The following FAT3 variants were observed in gnomAD, a reference collection of about 807,000 sequenced individuals.
FAT3 encodes the protein FAT atypical cadherin 3.
A neutral mutation model predicts 310.2 loss-of-function variants in FAT3; 95 were observed. That is an observed-to-expected ratio of 0.31 (90% CI 0.26 to 0.36). The LOEUF (loss-of-function observed/expected upper bound fraction) is 0.36. Among genes scored for constraint, FAT3 ranks in the 10% least tolerant of loss-of-function variants. The pLI is 1.00. For synonymous variants in FAT3, 2,314 were observed against 2,192.9 expected, an observed-to-expected ratio of 1.06 and a Z score of -1.54; for missense variants, 5,408 against 5,715.6, an observed-to-expected ratio of 0.95 and a Z score of 1.74.
intron 2 of FAT3, chr11:92,400,696 G>T (rs1949994180): frequency 6.6e-6 from 1 of 151,022 alleles, no homozygotes; most frequent in African/African-American, 2.4e-5. Flanking sequence ...GTAACAACAG[G>T]GTAAGCCACC....
chr11:92,743,833 A>T (rs758135752), intron 4 of FAT3, among the ~76,000 whole-genome samples: 10 of 152,178 alleles, frequency 6.6e-5, no homozygotes, highest in Non-Finnish European at 1.5e-4. Flanking sequence ...GGGGCTTTGT[A>T]AGAGGAAGAG....
Position 92,797,973 on chromosome 11 carries a change from A to G in FAT3, c.4960A>G (p.Thr1654Ala), listed in dbSNP as rs1419112243. ...TDQGSPPMSA[T>A]AIVRISVTMS... ...TCAGGGATCCCCGCCAATGTCTGCT[A>G]CTGCAATTGTGCGCATTTCCGTCAC... Residue 1654 changes from threonine (T) to alanine (A), a missense_variant, in exon 10 of 28, where the codon ACT (threonine) becomes GCT (alanine). By Grantham distance (58) the Thr-to-Ala change is moderately conservative. Coordinates refer to ENST00000525166, the MANE Select transcript of FAT3 (RefSeq NM_001367949.2). 1 of 1,613,796 alleles carries G rather than the reference A, an allele frequency of 6.2e-7. No homozygotes were observed. The highest frequency in any genetic ancestry group is 8.5e-7 in the Non-Finnish European group (1 of 1,179,850).
intron 1 of FAT3, among the ~76,000 whole-genome samples, chr11:92,274,966 A>C (rs1946226405): frequency 6.6e-6 from 1 of 152,132 alleles, no homozygotes. Context: ...GACAGTTCTA[A>C]AAGGTGGCCC....
chr11:92,522,851 G>C (rs76243810), intron 2 of FAT3, among the ~76,000 whole-genome samples: 1 of 152,068 alleles, frequency 6.6e-6, no homozygotes, highest in African/African-American at 2.4e-5. Flanking sequence ...TGCCCACTGC[G>C]AATATGGTCT....
intron 8 of FAT3, among the ~76,000 whole-genome samples, chr11:92,792,355 A>G (rs1201020818): frequency 6.6e-6 from 1 of 152,180 alleles, no homozygotes; most frequent in Non-Finnish European, 1.5e-5. Flanking sequence ...GAAAATGCCT[A>G]CATTGTGTTC....
chr11:92,627,089 T>G (rs1238787774), intron 3 of FAT3, among the ~76,000 whole-genome samples: 1 of 152,246 alleles, frequency 6.6e-6, no homozygotes, highest in Non-Finnish European at 1.5e-5. Context: ...TATGAATGTC[T>G]TACTTTTTAA....
chr11:92,532,699 C>T (rs1406738437), intron 3 of FAT3, among the ~76,000 whole-genome samples: 1 of 152,166 alleles, frequency 6.6e-6, no homozygotes, highest in African/African-American at 2.4e-5. Context: ...CAGCCTTCTC[C>T]AGAAAACATC....
intron 4 of FAT3, among the ~76,000 whole-genome samples, chr11:92,708,212 C>T (rs1197329793): frequency 6.6e-6 from 1 of 152,156 alleles, no homozygotes; most frequent in Non-Finnish European, 1.5e-5. Context: ...ATGGGGAAAA[C>T]CTATAATAAG....
At chr11:92,830,774 C>T (rs1948226561) in intron 13 of FAT3, among the ~76,000 whole-genome samples, 1 of 152,130 alleles carries the variant, frequency 6.6e-6, no homozygotes, top group Non-Finnish European at 1.5e-5. Flanking sequence ...CAGGCCAAAA[C>T]CTAAGGGTCA....
intron 7 of FAT3, among the ~76,000 whole-genome samples, chr11:92,784,437 C>G (rs553439397): frequency 6.6e-6 from 1 of 152,196 alleles, no homozygotes; most frequent in Non-Finnish European, 1.5e-5. Flanking sequence ...ACAGTGCCTT[C>G]ACCCTACTGC....
At chr11:92,475,137 A>G (rs1952013563) in intron 2 of FAT3, among the ~76,000 whole-genome samples, 1 of 152,000 alleles carries the variant, frequency 6.6e-6, no homozygotes, top group South Asian at 2.1e-4. Flanking sequence ...CGTCTTTTTC[A>G]TGGGAAGGTC....
chr11:92,453,786 C>T (rs1951425439), intron 2 of FAT3, among the ~76,000 whole-genome samples: 1 of 152,132 alleles, frequency 6.6e-6, no homozygotes, highest in Non-Finnish European at 1.5e-5. Context: ...GCAAAACTAT[C>T]AAATAAATGT....
chr11:92,393,870 C>T (rs1343165911), intron 2 of FAT3, among the ~76,000 whole-genome samples: 7 of 152,128 alleles, frequency 4.6e-5, no homozygotes, highest in Non-Finnish European at 1.5e-5. Context: ...TCTGTTGACA[C>T]TAACATGGGG....
intron 3 of FAT3, among the ~76,000 whole-genome samples, chr11:92,642,181 G>A (rs968496979): frequency 4.6e-5 from 7 of 152,192 alleles, no homozygotes; most frequent in African/African-American, 1.7e-4. Flanking sequence ...TGCTGGTAGA[G>A]GAAAAGTTTC....
chr11:92,535,404 T>TA (rs919824180), intron 3 of FAT3, among the ~76,000 whole-genome samples: 5 of 152,156 alleles, frequency 3.3e-5, no homozygotes, highest in African/African-American at 1.2e-4. Flanking sequence ...TGAGAATAAA[T>TA]ATCTGTTCTT....
In FAT3 at chr11:92,892,018, G is replaced by GA. The variant is rs149166131; in HGVS notation, c.*911dup. On this transcript the variant is annotated 3_prime_UTR_variant, in exon 28 of 28. Coordinates refer to ENST00000525166, the MANE Select transcript of FAT3 (RefSeq NM_001367949.2). Reference sequence around the variant, plus strand: ...ACTCACAAATTCAGGGGGGAAAAAAGAAAAAACGATACCTTCAAAGTTTGC... The same window carrying GA: ...ACTCACAAATTCAGGGGGGAAAAAAGAAAAAAACGATACCTTCAAAGTTTGC... The GA allele has an allele frequency of 0.2, 29,770 of 151,970 alleles. 3,477 individuals carry two copies. Among genetic ancestry groups the GA allele is most frequent in the Admixed American group, 0.26 (4,040 of 15,272 alleles). The allele number at this position is 151,970 out of a possible 1,614,324, so 9.4% of individuals were successfully genotyped here.
chr11:92,293,289 T>C (rs2134401665), intron 1 of FAT3, among the ~76,000 whole-genome samples: 1 of 151,668 alleles, frequency 6.6e-6, no homozygotes, highest in East Asian at 2.0e-4. Context: ...TCTCTTACCT[T>C]CTGCTGGGGG....
intron 2 of FAT3, among the ~76,000 whole-genome samples, chr11:92,363,342 A>C (rs1053561889): frequency 6.6e-6 from 1 of 152,230 alleles, no homozygotes; most frequent in Non-Finnish European, 1.5e-5. Context: ...GCTCTTTGTC[A>C]TTGAAGAAAC....
intron 3 of FAT3, among the ~76,000 whole-genome samples, chr11:92,645,876 T>G (rs1379241345): frequency 6.6e-6 from 1 of 152,242 alleles, no homozygotes; most frequent in Non-Finnish European, 1.5e-5. Context: ...CATTGCCTTG[T>G]ACATGGTGGG....
Sources: allele counts gnomAD v4.1 joint callset (sites outside exome capture counted in the v4.1 genomes callset), GRCh38; gene constraint gnomAD v4.1.1; transcripts MANE v1.5; gene names NCBI Gene and HGNC (gene_info 2026-07-23, HGNC 2026-07-21).